Variants in CPSF7 observed in about 807,000 individuals in gnomAD.
CPSF7 encodes cleavage and polyadenylation specificity factor subunit 7.
Under a neutral mutation model 44.3 loss-of-function variants are expected in CPSF7, and 1 was observed. That is an observed-to-expected ratio of 0.02 (90% CI 0.01 to 0.11). The LOEUF is 0.11. CPSF7 is among the 10% of genes least tolerant of loss of function. The pLI, the probability that CPSF7 is intolerant of heterozygous loss-of-function variation, is 1.00. For missense variants in CPSF7, 443 were observed against 607.2 expected, an observed-to-expected ratio of 0.73 and a Z score of 2.84; for synonymous variants, 202 against 222.0, an observed-to-expected ratio of 0.91 and a Z score of 0.80.
At chr11:61,429,773 T>C (rs1191031697) in intron 1 of CPSF7, 141 bp downstream of exon 1, 3 of 1,546,504 alleles carry the variant, frequency 1.9e-6, no homozygotes, top group Non-Finnish European at 2.6e-6. Context: ...CGGCGCGCTC[T>C]GCCTCCTCCC....
chr11:61,407,509 G>A (rs1251415394), intron 9 of CPSF7, among the ~76,000 whole-genome samples: 1 of 152,132 alleles, frequency 6.6e-6, no homozygotes, highest in Non-Finnish European at 1.5e-5. Context: ...CTACAATAGC[G>A]TCTGCTTTTC....
In CPSF7 at chr11:61,416,351, G is replaced by C. The variant is rs1860337203; in HGVS notation, c.692C>G (p.Pro231Arg). Residue 231 changes from proline to arginine, a missense_variant, in exon 6 of 10, where the codon CCA becomes CGA. Physicochemically the swap from Pro to Arg is moderately radical, Grantham distance 103. Transcript: ENST00000439958. Reference protein sequence around the residue: ...SALPLMGLPPPPIPPPPPLSS... With the variant: ...SALPLMGLPPRPIPPPPPLSS... ...GAGAGGTGGTGGGGGTGGAATTGGT[G>C]GTGGGGGCAGACCCATCAGGGGAAG... 6.3e-7 allele frequency: 1 copy of C among 1,594,218 alleles called. No individual in the cohort carries two copies. The highest frequency in any genetic ancestry group is 1.3e-5 in the African/African-American group (1 of 74,366).
intron 7 of CPSF7, among the ~76,000 whole-genome samples, chr11:61,415,327 A>G (rs914586109): frequency 1.2e-4 from 18 of 152,214 alleles, no homozygotes; most frequent in African/African-American, 4.3e-4. Flanking sequence ...GGTCTACTAC[A>G]CAGACACTAG....
Position 61,420,003 on chromosome 11 carries a change from C to A in CPSF7, c.469G>T (p.Val157Leu). The A allele has an allele frequency of 6.2e-7, 1 of 1,614,224 alleles. No individual in the cohort carries two copies. The highest frequency in any genetic ancestry group is 8.5e-7 in the Non-Finnish European group (1 of 1,180,042). ...AGGTTCTGCCGGGTGGCCGGCCTCA[C>A]GTCCACTTTTTCTCCATTAAGAACT... ...GKVLNGEKVD[V>L]RPATRQNLSQ... The change falls in exon 5 of 10, where the codon GTG becomes TTG. Residue 157 changes from valine to leucine, a missense_variant. Physicochemically the swap from Val to Leu is conservative, Grantham distance 32 (BLOSUM62 1). Coordinates refer to ENST00000439958, the MANE Select transcript of CPSF7 (RefSeq NM_001142565.3).
chr11:61,423,105 CAAAAAAAAA>C (rs71471824), intron 2 of CPSF7, among the ~76,000 whole-genome samples: 2 of 52,352 alleles, frequency 3.8e-5, no homozygotes, highest in African/African-American at 1.8e-4. Context: ...GACCCCATAT[CAAAAAAAAA>C]AAAAAAAAAA....
intron 3 of CPSF7, chr11:61,420,877 C>A: frequency 2.1e-6 from 1 of 479,290 alleles, no homozygotes. Context: ...AATTATAGAT[C>A]TGTCAGGCTA....
intron 9 of CPSF7, among the ~76,000 whole-genome samples, chr11:61,408,598 C>T (rs1446249466): frequency 6.6e-6 from 1 of 152,220 alleles, no homozygotes; most frequent in East Asian, 1.9e-4. Flanking sequence ...AGAGACAACA[C>T]CTGCTCCTAT....
At chr11:61,421,044 C>T in intron 3 of CPSF7, 1 of 1,317,810 alleles carries the variant, frequency 7.6e-7, no homozygotes, top group Non-Finnish European at 1.0e-6. Context: ...CTTTAATCCC[C>T]ATCACCCACC....
chr11:61,429,428 C>T (rs1041747837), intron 1 of CPSF7, 138 bp from the exon 2 acceptor site: 1 of 549,958 alleles, frequency 1.8e-6, no homozygotes, highest in African/African-American at 2.0e-5. Context: ...CTCCGCCCCG[C>T]CCCCGGCCTC....
chr11:61,426,720 A>G (rs1465302807), intron 2 of CPSF7: 1 of 152,214 alleles, frequency 6.6e-6, no homozygotes, highest in Non-Finnish European at 1.5e-5. Context: ...TTAGAAGGGG[A>G]AAAGCTTTTC....
chr11:61,426,429 C>T (rs2135404394), intron 2 of CPSF7: 1 of 152,186 alleles, frequency 6.6e-6, no homozygotes, highest in African/African-American at 2.4e-5. Context: ...AGCACTCATC[C>T]CTCACCTTCC....
chr11:61,428,214 T>C (rs542427373), intron 2 of CPSF7, among the ~76,000 whole-genome samples: 4 of 152,252 alleles, frequency 2.6e-5, no homozygotes, highest in African/African-American at 7.2e-5. Context: ...CAGGGTCTTG[T>C]TCTGTTGCCC....
At chr11:61,408,724 C>T (rs1859560583) in intron 9 of CPSF7, among the ~76,000 whole-genome samples, 1 of 152,156 alleles carries the variant, frequency 6.6e-6, no homozygotes, top group Non-Finnish European at 1.5e-5. Context: ...CAATATGGAG[C>T]CTGTCTAAGA....
At chr11:61,413,456 C>T (rs1434925467) in intron 7 of CPSF7, among the ~76,000 whole-genome samples, 1 of 151,786 alleles carries the variant, frequency 6.6e-6, no homozygotes, top group Non-Finnish European at 1.5e-5. Flanking sequence ...AATGGTGAAA[C>T]CCGGTCTCTA....
In CPSF7 at chr11:61,411,112, G is replaced by C; in HGVS notation, c.1227-7C>G. The C allele has an allele frequency of 6.2e-7, 1 of 1,603,560 alleles. No homozygotes were observed. Among genetic ancestry groups the C allele is most frequent in the Non-Finnish European group, 8.5e-7 (1 of 1,176,736 alleles). On this transcript the variant is annotated splice_polypyrimidine_tract_variant and splice_region_variant and intron_variant, in intron 8 of 9. Transcript: ENST00000439958. ...CCGGGAGCGATGTCTTTTCCTATTA[G>C]AAAGATCCTTCAGCCTCACTCAGAA...
At chr11:61,413,652 T>A (rs1011204969) in intron 7 of CPSF7, among the ~76,000 whole-genome samples, 23 of 149,928 alleles carry the variant, frequency 1.5e-4, no homozygotes, top group Admixed American at 1.3e-3. Flanking sequence ...AAAAAAAAAA[T>A]TTATGCTGTC....
chr11:61,410,777 T>C (rs1859779604), intron 9 of CPSF7, 161 bp downstream of exon 9: 13 of 676,358 alleles, frequency 1.9e-5, no homozygotes, highest in Non-Finnish European at 2.9e-5. Flanking sequence ...AGACTCCCCA[T>C]AAATGTGCAG....
At chr11:61,428,541 G>C (rs567584714) in intron 2 of CPSF7, among the ~76,000 whole-genome samples, 14 of 152,182 alleles carry the variant, frequency 9.2e-5, no homozygotes, top group African/African-American at 2.9e-4. Flanking sequence ...TCCAACTGAG[G>C]GTATGTGCAT....
intron 5 of CPSF7, among the ~76,000 whole-genome samples, chr11:61,419,300 G>A (rs1860635241): frequency 6.6e-6 from 1 of 152,186 alleles, no homozygotes; most frequent in African/African-American, 2.4e-5. Context: ...GGGATTATAG[G>A]CGTGAGCCAC....
Sources: allele counts gnomAD v4.1 joint callset (sites outside exome capture counted in the v4.1 genomes callset), GRCh38; gene constraint gnomAD v4.1.1; transcripts MANE v1.5; gene names NCBI Gene and HGNC (gene_info 2026-07-23, HGNC 2026-07-21).